Variants in SEMA5B observed in about 807,000 individuals in gnomAD.
SEMA5B encodes the protein semaphorin-5B.
SEMA5B carries 66 observed loss-of-function variants against 135.0 expected under a neutral mutation model. That is an observed-to-expected ratio of 0.49 (90% CI 0.40 to 0.60). The LOEUF is 0.60. Among genes scored for constraint, SEMA5B ranks in the 20% least tolerant of loss-of-function variants. SEMA5B has a pLI of 0.00. For synonymous variants in SEMA5B, 690 were observed against 639.5 expected (o/e 1.08, Z -1.19); for missense variants, 1,501 against 1,566.3 (o/e 0.96, Z 0.70).
At chr3:122,927,495 G>T (rs79815641) in intron 8 of SEMA5B, among the ~76,000 whole-genome samples, 1 of 152,092 alleles carries the variant, frequency 6.6e-6, no homozygotes, top group South Asian at 2.1e-4. Context: ...ACCTGGCCCC[G>T]TAATTTTTTC....
At chr3:123,003,220 A>T (rs181798923) in intron 1 of SEMA5B, among the ~76,000 whole-genome samples, 1 of 152,192 alleles carries the variant, frequency 6.6e-6, no homozygotes, top group East Asian at 1.9e-4. Flanking sequence ...CCTACTTCCA[A>T]ATCAAAACAT....
chr3:122,966,875 T>C (rs1480964763), intron 1 of SEMA5B, among the ~76,000 whole-genome samples: 1 of 138,444 alleles, frequency 7.2e-6, no homozygotes, highest in Admixed American at 7.3e-5. Flanking sequence ...ATTATTATTA[T>C]TATTATTATT....
chr3:122,981,270 G>A (rs1298748362), intron 1 of SEMA5B, among the ~76,000 whole-genome samples: 2 of 132,652 alleles, frequency 1.5e-5, no homozygotes, highest in Admixed American at 1.6e-4. Context: ...TGGGTCCTAG[G>A]CCCCTCGGGG....
At chr3:122,952,357 G>A (rs1043696850) in intron 2 of SEMA5B, among the ~76,000 whole-genome samples, 3 of 152,182 alleles carry the variant, frequency 2.0e-5, no homozygotes, top group Non-Finnish European at 4.4e-5. Flanking sequence ...CCACAGGGCT[G>A]GGGAAGAGGG....
intron 5 of SEMA5B, among the ~76,000 whole-genome samples, chr3:122,932,759 T>C (rs1939045038): frequency 6.6e-6 from 1 of 152,180 alleles, no homozygotes; most frequent in South Asian, 2.1e-4. Flanking sequence ...GCCACCCTCT[T>C]GCTGTGTGTG....
chr3:122,972,026 A>G (rs1355321084), intron 1 of SEMA5B, among the ~76,000 whole-genome samples: 2 of 152,240 alleles, frequency 1.3e-5, no homozygotes, highest in African/African-American at 4.8e-5. Flanking sequence ...TGTTGTCCAC[A>G]TGGATCCGCT....
chr3:122,924,521 G>A (rs1408663490), intron 9 of SEMA5B, among the ~76,000 whole-genome samples: 2 of 152,062 alleles, frequency 1.3e-5, no homozygotes, highest in Non-Finnish European at 2.9e-5. Context: ...GTTTCAAAAT[G>A]CACCTCCGAG....
At chr3:122,976,208 C>T in intron 1 of SEMA5B, 1 of 1,470,790 alleles carries the variant, frequency 6.8e-7, no homozygotes, top group East Asian at 2.5e-5. Context: ...GCTCCTAGGA[C>T]CAGCAGCATC....
intron 1 of SEMA5B, among the ~76,000 whole-genome samples, chr3:123,013,958 C>T (rs1012554983): frequency 8.5e-5 from 13 of 152,200 alleles, no homozygotes; most frequent in East Asian, 1.9e-4. Flanking sequence ...AGGAAGGAAA[C>T]GGTGAGAGGA....
chr3:123,001,924 C>T (rs919176891), intron 1 of SEMA5B, among the ~76,000 whole-genome samples: 2 of 152,202 alleles, frequency 1.3e-5, no homozygotes, highest in Non-Finnish European at 1.5e-5. Flanking sequence ...AATCCTTGCC[C>T]TCCAGGAGAC....
intron 5 of SEMA5B, among the ~76,000 whole-genome samples, chr3:122,932,959 A>G (rs62261735): frequency 6.6e-6 from 1 of 152,194 alleles, no homozygotes; most frequent in African/African-American, 2.4e-5. Flanking sequence ...GTCTCAAGTC[A>G]TCTGCTCCCC....
At chr3:122,966,494 G>A (rs1388240883) in intron 1 of SEMA5B, among the ~76,000 whole-genome samples, 1 of 151,996 alleles carries the variant, frequency 6.6e-6, no homozygotes, top group Non-Finnish European at 1.5e-5. Context: ...AGTTTTGTGT[G>A]ATGGGAGTGC....
chr3:122,912,786 G>A, intron 18 of SEMA5B, 57 bp downstream of exon 18: 2 of 1,459,618 alleles, frequency 1.4e-6, no homozygotes, highest in East Asian at 4.9e-5. Flanking sequence ...GCGGGGAAGG[G>A]GGCCTCCAGG....
In SEMA5B at chr3:122,959,431, A is replaced by T. The variant is rs908690493; in HGVS notation, c.124+1709T>A. 2.2e-4 allele frequency among the ~76,000 whole-genome samples: 33 copies of T among 152,234 alleles called. 1 individual carries two copies. The highest frequency in any genetic ancestry group is 2.2e-3 in the Admixed American group (33 of 15,288). On this transcript the variant is annotated intron_variant, in intron 2 of 22. Transcript: ENST00000357599. The stretch of plus-strand genomic sequence containing the variant: ...GAAAATGACATTATTTGACATAGCC[A>T]TGTGGGTGGAGCCCAGGCCACTCCA...
intron 1 of SEMA5B, chr3:122,975,980 C>T (rs777066542): frequency 6.5e-7 from 1 of 1,534,862 alleles, no homozygotes. Flanking sequence ...AGAAACTCTT[C>T]ATGTCATGCA....
intron 21 of SEMA5B, 183 bp downstream of exon 21, chr3:122,911,308 G>C (rs1297397014): frequency 6.7e-7 from 1 of 1,488,018 alleles, no homozygotes; most frequent in Non-Finnish European, 9.0e-7. Context: ...ACTGATGATG[G>C]CCTCCTAGCT....
At chr3:122,981,103 C>T (rs1050815756) in intron 1 of SEMA5B, among the ~76,000 whole-genome samples, 3 of 152,272 alleles carry the variant, frequency 2.0e-5, no homozygotes, top group Non-Finnish European at 2.9e-5. Context: ...ACACACTTGG[C>T]TCTTGCAGGC....
intron 1 of SEMA5B, among the ~76,000 whole-genome samples, chr3:123,016,131 G>A (rs1157589384): frequency 6.6e-6 from 1 of 152,200 alleles, no homozygotes; most frequent in African/African-American, 2.4e-5. Context: ...GAGGGAGCTG[G>A]CAGCCCAAGC....
intron 5 of SEMA5B, 149 bp from the exon 6 acceptor site, chr3:122,929,207 A>G: frequency 1.4e-6 from 1 of 727,644 alleles, no homozygotes; most frequent in Non-Finnish European, 2.3e-6. Flanking sequence ...CTCTCACTAC[A>G]TCCACATGGA....
Sources: allele counts gnomAD v4.1 joint callset (sites outside exome capture counted in the v4.1 genomes callset), GRCh38; gene constraint gnomAD v4.1.1; transcripts MANE v1.5; gene names NCBI Gene and HGNC (gene_info 2026-07-23, HGNC 2026-07-21).